Variants in CARMIL1 observed in about 807,000 individuals in gnomAD.
CARMIL1 encodes the protein F-actin-uncapping protein LRRC16A.
Under a neutral mutation model 177.1 loss-of-function variants are expected in CARMIL1, and 90 were observed. That is an observed-to-expected ratio of 0.51 (90% CI 0.43 to 0.61). The LOEUF is 0.61. Among genes scored for constraint, CARMIL1 ranks in the 20% least tolerant of loss-of-function variants. The pLI, the probability that CARMIL1 is intolerant of heterozygous loss-of-function variation, is 0.00. For missense variants in CARMIL1, 1,380 were observed against 1,667.0 expected (o/e 0.83, Z 3.00); for synonymous variants, 577 against 606.2 (o/e 0.95, Z 0.71).
intron 2 of CARMIL1, among the ~76,000 whole-genome samples, chr6:25,299,538 A>G (rs1417039921): frequency 2.6e-5 from 4 of 152,028 alleles, no homozygotes; most frequent in Non-Finnish European, 5.9e-5. Flanking sequence ...GAGGTATTTC[A>G]GTCCCAGCAC....
chr6:25,386,343 CA>C (rs1438652820), intron 2 of CARMIL1, among the ~76,000 whole-genome samples: 3 of 152,116 alleles, frequency 2.0e-5, no homozygotes, highest in Admixed American at 6.5e-5. Flanking sequence ...ACCTCCACCT[CA>C]CAGATTCAAG....
intron 9 of CARMIL1, among the ~76,000 whole-genome samples, chr6:25,470,058 A>G (rs138044728): frequency 3.7e-4 from 57 of 152,266 alleles, no homozygotes; most frequent in Non-Finnish European, 7.1e-4. Context: ...TGTTTAACAT[A>G]TATGCATAAT....
chr6:25,470,406 A>G (rs1169303821), intron 9 of CARMIL1, among the ~76,000 whole-genome samples: 5 of 152,244 alleles, frequency 3.3e-5, no homozygotes, highest in African/African-American at 4.8e-5. Context: ...CAACATCATT[A>G]TCATAATCAC....
rs201222475 is a variant in CARMIL1 at position 25,600,388 on chromosome 6, G to A, written c.3194G>A (p.Arg1065Gln). 8.3e-5 allele frequency: 134 copies of A among 1,613,954 alleles called. No homozygotes were observed. In the Middle Eastern group the frequency reaches 9.9e-4, roughly 12 times the overall value. The change falls in exon 33 of 37, where the codon CGG (arginine) becomes CAG (glutamine). Residue 1065 changes from arginine to glutamine, a missense_variant. Arg to Gln is a conservative substitution (Grantham distance 43). Coordinates refer to ENST00000329474, the MANE Select transcript of CARMIL1 (RefSeq NM_017640.6). ...GGDEKKKRDS[R>Q]KSSGFLNLIK... ...GATGAAAAGAAAAAGCGAGATTCTC[G>A]GAAAAGTAGTGGCTTTCTCAATTTA...
At chr6:25,481,038 A>C (rs1334740949) in intron 11 of CARMIL1, among the ~76,000 whole-genome samples, 3 of 150,372 alleles carry the variant, frequency 2.0e-5, no homozygotes, top group Non-Finnish European at 4.4e-5. Context: ...TGCCTTTTAG[A>C]TTAATCAAGT....
chr6:25,562,593 G>T (rs116506977), intron 29 of CARMIL1, among the ~76,000 whole-genome samples: 2,973 of 152,204 alleles, frequency 0.02, 73 homozygotes, highest in African/African-American at 0.058. Context: ...GTACAGTGTT[G>T]ACTGCCCTCA....
At chr6:25,615,014 A>T (rs1816785391) in intron 36 of CARMIL1, among the ~76,000 whole-genome samples, 1 of 152,330 alleles carries the variant, frequency 6.6e-6, no homozygotes, top group South Asian at 2.1e-4. Context: ...TTAAGAAGTA[A>T]TTTTTACAGG....
chr6:25,503,595 A>C (rs145023871), intron 17 of CARMIL1, among the ~76,000 whole-genome samples: 103 of 152,352 alleles, frequency 6.8e-4, no homozygotes, highest in African/African-American at 2.4e-3. Context: ...AGCTCTTACT[A>C]TCACGGAAGT....
At chr6:25,521,330 A>C (rs1185666694) in intron 23 of CARMIL1, among the ~76,000 whole-genome samples, 1 of 152,092 alleles carries the variant, frequency 6.6e-6, no homozygotes, top group African/African-American at 2.4e-5. Context: ...TGTAACATAC[A>C]TCTCATATTC....
intron 2 of CARMIL1, among the ~76,000 whole-genome samples, chr6:25,396,403 C>T (rs1344612211): frequency 6.6e-6 from 1 of 150,612 alleles, no homozygotes; most frequent in Non-Finnish European, 1.5e-5. Context: ...CTCTTGTCAC[C>T]CAGGCTGGAG....
chr6:25,535,356 G>A (rs1387820979), intron 24 of CARMIL1, among the ~76,000 whole-genome samples: 1 of 152,148 alleles, frequency 6.6e-6, no homozygotes, highest in Non-Finnish European at 1.5e-5. Context: ...AAAAATAAGT[G>A]TATTTAAATA....
intron 9 of CARMIL1, among the ~76,000 whole-genome samples, chr6:25,468,844 A>G (rs529792280): frequency 1.3e-5 from 2 of 152,344 alleles, no homozygotes; most frequent in African/African-American, 4.8e-5. Flanking sequence ...TTTATACCCC[A>G]ATGAGCTATA....
chr6:25,508,922 T>C (rs1805200252), intron 17 of CARMIL1, among the ~76,000 whole-genome samples: 1 of 152,166 alleles, frequency 6.6e-6, no homozygotes, highest in South Asian at 2.1e-4. Context: ...TATGCTTTGG[T>C]TTCATAGAAA....
intron 26 of CARMIL1, 36 bp downstream of exon 26, chr6:25,540,114 T>G: frequency 1.9e-6 from 3 of 1,557,646 alleles, no homozygotes; most frequent in Non-Finnish European, 1.7e-6. Flanking sequence ...ATGAAATTGT[T>G]AATATTTAAC....
intron 5 of CARMIL1, among the ~76,000 whole-genome samples, chr6:25,436,093 A>G (rs944925209): frequency 2.6e-5 from 4 of 152,144 alleles, no homozygotes; most frequent in Non-Finnish European, 4.4e-5. Context: ...GTTCTGAAAT[A>G]CCCATTAGGC....
intron 2 of CARMIL1, among the ~76,000 whole-genome samples, chr6:25,357,645 TCTTTAATTTTAATAAGC>T (rs1242566129): frequency 2.6e-5 from 4 of 152,184 alleles, no homozygotes; most frequent in African/African-American, 9.7e-5. Context: ...TGATTCCAAT[TCTTTAATTTTAATAAGC>T]CTTGAAAAGC....
chr6:25,501,547 C>T (rs193003240), intron 17 of CARMIL1, among the ~76,000 whole-genome samples: 24 of 152,274 alleles, frequency 1.6e-4, no homozygotes, highest in African/African-American at 5.1e-4. Context: ...TTTGCTCTTG[C>T]TGTTTTTCTA....
intron 2 of CARMIL1, among the ~76,000 whole-genome samples, chr6:25,340,404 A>C (rs539785779): frequency 6.6e-6 from 1 of 152,340 alleles, no homozygotes; most frequent in Admixed American, 6.5e-5. Context: ...CTTATTTGAC[A>C]ACCCTGAGCT....
At chr6:25,335,268 T>A (rs1294360958) in intron 2 of CARMIL1, among the ~76,000 whole-genome samples, 2 of 152,214 alleles carry the variant, frequency 1.3e-5, no homozygotes, top group Non-Finnish European at 2.9e-5. Context: ...GGATAGTTAA[T>A]CCGTGAAAAT....
Sources: gnomAD v4.1 joint callset for allele counts (sites outside exome capture counted in the v4.1 genomes callset) on GRCh38, gnomAD v4.1.1 for gene constraint, MANE v1.5 for transcripts, NCBI Gene and HGNC (gene_info 2026-07-23, HGNC 2026-07-21) for gene names.